TSPAN1: variants seen among roughly 807,000 people sequenced by gnomAD.
TSPAN1 encodes the protein tetraspanin 1.
TSPAN1 carries 23 observed loss-of-function variants against 26.9 expected under a neutral mutation model. That is an observed-to-expected ratio of 0.85 (90% CI 0.62 to 1.21). The LOEUF is 1.21. Ranked by LOEUF, TSPAN1 falls within the 50% of genes most tolerant of loss-of-function variation. The pLI is 0.00. For synonymous variants in TSPAN1, 115 were observed against 114.8 expected (o/e 1.00, Z -0.01); for missense variants, 283 against 298.4 (o/e 0.95, Z 0.38).
At chr1:46,182,642 G>A (rs1452019712) in intron 3 of TSPAN1, among the ~76,000 whole-genome samples, 3 of 152,112 alleles carry the variant, frequency 2.0e-5, no homozygotes, top group Admixed American at 6.5e-5. Context: ...CCCAGGAGGC[G>A]GAGGTTGCAG....
At chr1:46,194,846 CCTT>C in the TSPAN1 span, 1 of 1,614,174 alleles carries the variant, frequency 6.2e-7, no homozygotes, top group Non-Finnish European at 8.5e-7. Flanking sequence ...GCCGGCACCT[CCTT>C]TTCGTCCCAC....
rs537019116 is a variant in TSPAN1, at chr1:46,184,726, G to A, written c.339+58G>A. On this transcript the variant is annotated intron_variant, in intron 5 of 8. Coordinates refer to ENST00000372003, the MANE Select transcript of TSPAN1 (RefSeq NM_005727.4). The stretch of plus-strand genomic sequence containing the variant: ...TTGGGCAAAACCCTGGGAGTGGGCT[G>A]TGGCCTGTGAATGGCCACCTTCTGT... 3.1e-6 allele frequency: 5 copies of A among 1,613,434 alleles called. No individual in the cohort carries two copies. The South Asian group carries it at 5.5e-5, about 18-fold the overall frequency.
chr1:46,183,240 C>T (rs1185774339), intron 3 of TSPAN1, among the ~76,000 whole-genome samples: 1 of 152,324 alleles, frequency 6.6e-6, no homozygotes, highest in East Asian at 1.9e-4. Context: ...TTACCCAGAC[C>T]TTGCCAGGCT....
At chr1:46,188,838 T>C, downstream of TSPAN1, 10 of 1,612,926 alleles carry the variant, frequency 6.2e-6, no homozygotes, top group Non-Finnish European at 7.6e-6. Flanking sequence ...GTCCATGGGT[T>C]GGGCACAGCA....
At chr1:46,191,292 A>G in the TSPAN1 span, 24,910 of 214,808 alleles carry the variant, frequency 0.12, 1,897 homozygotes, top group Middle Eastern at 0.16. Flanking sequence ...GACGCTATTC[A>G]TTCCTTTGGG....
At chr1:46,176,497 C>T in intron 1 of TSPAN1, 3 of 1,533,766 alleles carry the variant, frequency 2.0e-6, no homozygotes, top group Non-Finnish European at 2.6e-6. Context: ...CTGCAGTGTG[C>T]CTGGGGGGTG....
rs1227288345 is a variant in TSPAN1, at chr1:46,185,048, A to G, written c.527A>G (p.Asn176Ser). 8 of 1,614,178 alleles carry G rather than the reference A, an allele frequency of 5.0e-6. No individual in the cohort carries two copies. The highest frequency in any genetic ancestry group is 6.8e-6 in the Non-Finnish European group (8 of 1,180,038). The change falls in exon 7 of 9, where the codon AAT (asparagine) becomes AGT (serine). Residue 176 changes from asparagine (N) to serine (S), a missense_variant. Coordinates refer to ENST00000372003, the MANE Select transcript of TSPAN1 (RefSeq NM_005727.4). ...AGTGCCTTTCCCCCATTCTGTTGCA[A>G]TGACAACGTCACCAACACAGCCAAT... ...ENSAFPPFCC[N>S]DNVTNTANET... is the part of the protein sequence containing the mutation.
Position 46,185,538 on chromosome 1 carries a change from A to G in TSPAN1, c.*5A>G, listed in dbSNP as rs769019369. 1 of 1,614,122 alleles carries G rather than the reference A, an allele frequency of 6.2e-7. No individual in the cohort carries two copies. Among genetic ancestry groups the G allele is most frequent in the East Asian group, 2.2e-5 (1 of 44,892 alleles). On this transcript the variant is annotated 3_prime_UTR_variant, in exon 9 of 9. Transcript: ENST00000372003. ...CTGTACTGCAATCTACAATAAGTCC[A>G]CTTCTGCCTCTGCCACTACTGCTGC...
chr1:46,179,401 A>C (rs569364314), intron 1 of TSPAN1, among the ~76,000 whole-genome samples: 2 of 151,982 alleles, frequency 1.3e-5, no homozygotes, highest in African/African-American at 2.4e-5. Flanking sequence ...CTCTGTGCTC[A>C]TTCCCTACTG....
At position 46,185,631 on chromosome 1, in the gene TSPAN1, A is replaced by C; in HGVS notation, c.*98A>C. 6.5e-6 allele frequency: 9 copies of C among 1,386,564 alleles called. No individual in the cohort carries two copies. Among genetic ancestry groups the C allele is most frequent in the Non-Finnish European group, 7.1e-6 (7 of 987,614 alleles). 85.9% of individuals were successfully genotyped at this position (1,386,564 alleles called of 1,614,324 possible). ...TTGGGGGAGGGGACAGGATCTAACA[A>C]TGTCACTTGGGCCAGAATGGACCTG... is the stretch of plus-strand genomic sequence containing the variant. On this transcript the variant is annotated 3_prime_UTR_variant, in exon 9 of 9. Coordinates refer to ENST00000372003, the MANE Select transcript of TSPAN1 (RefSeq NM_005727.4).
the TSPAN1 span, chr1:46,193,972 C>A: frequency 6.2e-7 from 1 of 1,608,942 alleles, no homozygotes; most frequent in Non-Finnish European, 8.5e-7. Flanking sequence ...CCCCTTCAAA[C>A]TGGGATCCCC....
chr1:46,195,980 G>GC, the TSPAN1 span: 1 of 1,614,106 alleles, frequency 6.2e-7, no homozygotes. Flanking sequence ...CCCAGCTCCA[G>GC]CCCTCTGGGT....
chr1:46,185,434 C>T (rs1415280604), intron 8 of TSPAN1, 52 bp from the exon 9 acceptor site: 2 of 1,611,956 alleles, frequency 1.2e-6, no homozygotes, highest in African/African-American at 2.7e-5. Flanking sequence ...GTGGGACAGG[C>T]TTCAGGATCC....
the TSPAN1 span, chr1:46,194,148 A>G: frequency 1.9e-6 from 3 of 1,575,050 alleles, no homozygotes; most frequent in Non-Finnish European, 2.6e-6. Flanking sequence ...TTCAGAGCGC[A>G]GTGTAAATCC....
chr1:46,188,946 G>A (rs1242690288), downstream of TSPAN1: 3 of 1,612,786 alleles, frequency 1.9e-6, no homozygotes, highest in Admixed American at 1.7e-5. Flanking sequence ...AGGCCCTCAG[G>A]ACAGTCAATA....
intron 3 of TSPAN1, among the ~76,000 whole-genome samples, chr1:46,181,792 TG>T (rs768186830): frequency 6.6e-6 from 1 of 152,180 alleles, no homozygotes; most frequent in Non-Finnish European, 1.5e-5. Context: ...GAACTCAGCC[TG>T]GTTGGAGAAT....
chr1:46,193,128 A>C, the TSPAN1 span: 1 of 1,613,252 alleles, frequency 6.2e-7, no homozygotes, highest in Non-Finnish European at 8.5e-7. Context: ...CCTTATGCCC[A>C]TGTTTCCCCC....
At chr1:46,192,839 C>T in the TSPAN1 span, 2 of 1,610,252 alleles carry the variant, frequency 1.2e-6, no homozygotes, top group Non-Finnish European at 1.7e-6. Context: ...TCTAGGACAC[C>T]TCACTGACTC....
chr1:46,180,008 A>G (rs1657278517), intron 1 of TSPAN1, among the ~76,000 whole-genome samples: 1 of 144,466 alleles, frequency 6.9e-6, no homozygotes, highest in Non-Finnish European at 1.5e-5. Context: ...TGTGTGAGTG[A>G]AAGAGATACT....
Sources: gnomAD v4.1 joint callset for allele counts (sites outside exome capture counted in the v4.1 genomes callset) on GRCh38, gnomAD v4.1.1 for gene constraint, MANE v1.5 for transcripts, NCBI Gene and HGNC (gene_info 2026-07-23, HGNC 2026-07-21) for gene names.